RCOR1: variants seen among roughly 807,000 people sequenced by gnomAD.
The protein encoded by RCOR1 is REST corepressor.
A neutral mutation model predicts 64.0 loss-of-function variants in RCOR1; 12 were observed. That is an observed-to-expected ratio of 0.19 (90% CI 0.12 to 0.30). The LOEUF (loss-of-function observed/expected upper bound fraction) is 0.30, where lower values mean the gene tolerates loss of function less well. RCOR1 is among the 10% of genes least tolerant of loss of function. The pLI is 1.00. For synonymous variants in RCOR1, 279 were observed against 227.2 expected (o/e 1.23, Z -2.05); for missense variants, 502 against 621.2 (o/e 0.81, Z 2.04).
At chr14:102,602,158 CAAAAAAA>C (rs35761645) in intron 2 of RCOR1, among the ~76,000 whole-genome samples, 1 of 132,596 alleles carries the variant, frequency 7.5e-6, no homozygotes, top group Non-Finnish European at 1.6e-5. Context: ...GACTCCGTCT[CAAAAAAA>C]AAAAAAAAGT....
chr14:102,673,962 G>A (rs1224022219), intron 2 of RCOR1, among the ~76,000 whole-genome samples: 2 of 152,214 alleles, frequency 1.3e-5, no homozygotes, highest in East Asian at 1.9e-4. Context: ...TCCTATAGAC[G>A]ATTCTGTAGT....
intron 2 of RCOR1, among the ~76,000 whole-genome samples, chr14:102,635,928 A>G (rs1595205846): frequency 6.6e-6 from 1 of 152,114 alleles, no homozygotes. Context: ...GCAGTGAGAA[A>G]CATAAAAGTT....
chr14:102,645,880 C>T (rs1894469147), intron 2 of RCOR1, among the ~76,000 whole-genome samples: 2 of 152,170 alleles, frequency 1.3e-5, no homozygotes, highest in African/African-American at 2.4e-5. Flanking sequence ...TGAGCCGCCT[C>T]CACAAGGTCT....
chr14:102,695,248 C>T (rs573292179), intron 3 of RCOR1: 2 of 152,208 alleles, frequency 1.3e-5, no homozygotes, highest in African/African-American at 4.8e-5. Context: ...TCTGTCACTT[C>T]ATCAACCACA....
intron 7 of RCOR1, among the ~76,000 whole-genome samples, chr14:102,711,844 A>G (rs1375093457): frequency 6.6e-6 from 1 of 152,222 alleles, no homozygotes; most frequent in African/African-American, 2.4e-5. Flanking sequence ...TTATAATATT[A>G]TCCATAATCA....
intron 3 of RCOR1, among the ~76,000 whole-genome samples, chr14:102,689,842 C>G (rs910774198): frequency 6.6e-6 from 1 of 152,152 alleles, no homozygotes; most frequent in African/African-American, 2.4e-5. Context: ...CTCCCAGGTT[C>G]AAGCTATTCT....
chr14:102,663,138 A>AT (rs2083045882), intron 2 of RCOR1, among the ~76,000 whole-genome samples: 1 of 151,994 alleles, frequency 6.6e-6, no homozygotes, highest in South Asian at 2.1e-4. Context: ...TAAAAAGGGG[A>AT]TTTTCCCTGC....
In RCOR1 at chr14:102,631,869, C is replaced by T. The variant is rs1008912053; in HGVS notation, c.361+38544C>T. ...AGGTTGGAGTGCGGTGGCGCGATCT[C>T]GTCTCACTGCAACCTCTGCCTCCAG... On this transcript the variant is annotated intron_variant, in intron 2 of 11. Transcript: ENST00000262241. Among the ~76,000 whole-genome samples the T allele has an allele frequency of 5.3e-5, 8 of 152,100 alleles. No individual in the cohort carries two copies. The East Asian group carries it at 5.8e-4, about 11-fold the overall frequency.
At chr14:102,622,923 C>G (rs946340459) in intron 2 of RCOR1, among the ~76,000 whole-genome samples, 1 of 152,132 alleles carries the variant, frequency 6.6e-6, no homozygotes, top group Non-Finnish European at 1.5e-5. Context: ...TGATGGAGTT[C>G]CCCTCTTTAA....
At chr14:102,713,983 T>C (rs1182364820) in intron 7 of RCOR1, among the ~76,000 whole-genome samples, 1 of 152,226 alleles carries the variant, frequency 6.6e-6, no homozygotes, top group Non-Finnish European at 1.5e-5. Flanking sequence ...AATGATAAGG[T>C]ATATTATTTT....
At chr14:102,712,724 A>C (rs990902288) in intron 7 of RCOR1, among the ~76,000 whole-genome samples, 37 of 144,036 alleles carry the variant, frequency 2.6e-4, no homozygotes, top group African/African-American at 9.6e-4. Flanking sequence ...TTTTCTGCAT[A>C]ATTTATATGA....
At chr14:102,627,108 A>G (rs1437776748) in intron 2 of RCOR1, among the ~76,000 whole-genome samples, 1 of 152,126 alleles carries the variant, frequency 6.6e-6, no homozygotes, top group Non-Finnish European at 1.5e-5. Flanking sequence ...CATTGGGGAA[A>G]AAACCTGAAT....
intron 2 of RCOR1, among the ~76,000 whole-genome samples, chr14:102,616,441 AT>A (rs917547536): frequency 4.6e-5 from 7 of 151,324 alleles, no homozygotes; most frequent in African/African-American, 1.2e-4. Flanking sequence ...AGCTAATTAA[AT>A]TTTTTTTTGG....
intron 6 of RCOR1, chr14:102,710,717 C>G: frequency 2.0e-6 from 1 of 512,038 alleles, no homozygotes; most frequent in South Asian, 2.7e-5. Context: ...AGTAGTTTCT[C>G]ATCACTTAGA....
intron 2 of RCOR1, chr14:102,657,354 T>A: frequency 2.0e-6 from 2 of 985,396 alleles, no homozygotes; most frequent in Non-Finnish European, 2.4e-6. Context: ...AACCCATGTT[T>A]TAATCCTAAT....
chr14:102,707,547 T>C (rs1263507957), intron 5 of RCOR1, 35 bp downstream of exon 5: 4 of 1,529,010 alleles, frequency 2.6e-6, no homozygotes, highest in East Asian at 2.3e-5. Flanking sequence ...CTATTTTTTT[T>C]CTCCTATCTA....
At chr14:102,702,194 A>G (rs1354068133) in intron 4 of RCOR1, among the ~76,000 whole-genome samples, 2 of 152,174 alleles carry the variant, frequency 1.3e-5, no homozygotes, top group African/African-American at 4.8e-5. Flanking sequence ...AGATTATGTG[A>G]AATTGTACCC....
At chr14:102,683,461 G>A (rs1895346109) in intron 3 of RCOR1, among the ~76,000 whole-genome samples, 1 of 152,218 alleles carries the variant, frequency 6.6e-6, no homozygotes, top group South Asian at 2.1e-4. Context: ...TTGGAGAGGT[G>A]GAGCACGGAA....
At chr14:102,659,120 C>G (rs1011253169) in intron 2 of RCOR1, 1 of 985,040 alleles carries the variant, frequency 1.0e-6, no homozygotes. Context: ...AGGTCTTTGC[C>G]CGTTATTCTA....
Sources: allele counts gnomAD v4.1 joint callset (sites outside exome capture counted in the v4.1 genomes callset), GRCh38; gene constraint gnomAD v4.1.1; transcripts MANE v1.5; gene names NCBI Gene and HGNC (gene_info 2026-07-23, HGNC 2026-07-21).